CA5A: variants seen among roughly 807,000 people sequenced by gnomAD.
CA5A encodes carbonic anhydrase 5A, also known as carbonic anhydrase 5A, mitochondrial.
In CA5A, 28 loss-of-function variants were observed where a neutral mutation model predicts 37.1. The ratio of observed to expected loss-of-function variants is 0.75; its 90% CI spans 0.56 to 1.03. The LOEUF (loss-of-function observed/expected upper bound fraction) is 1.03, where lower values mean the gene tolerates loss of function less well. Ranked by LOEUF, CA5A falls within the 50% of genes least tolerant of loss-of-function variation. The probability of loss-of-function intolerance (pLI) is 0.00; values close to 1 mark genes in which losing one functional copy is unlikely to be tolerated. For synonymous variants in CA5A, 171 were observed against 158.4 expected (o/e 1.08, Z -0.60); for missense variants, 444 against 399.9 (o/e 1.11, Z -0.94).
intron 2 of CA5A, among the ~76,000 whole-genome samples, chr16:87,915,447 G>A (rs2056123077): frequency 2.0e-5 from 3 of 151,876 alleles, no homozygotes; most frequent in African/African-American, 7.3e-5. Context: ...AGGTGAGAGG[G>A]TGGTTTGAGC....
intron 2 of CA5A, among the ~76,000 whole-genome samples, chr16:87,926,229 A>G (rs1022975772): frequency 1.4e-4 from 22 of 152,008 alleles, no homozygotes; most frequent in African/African-American, 5.1e-4. Flanking sequence ...AATATAAAAT[A>G]AAATAAAATA....
intron 2 of CA5A, among the ~76,000 whole-genome samples, chr16:87,921,835 A>C (rs2056234486): frequency 6.6e-6 from 1 of 151,814 alleles, no homozygotes; most frequent in African/African-American, 2.4e-5. Context: ...GAGGAAGCAC[A>C]GGTTGTGTTC....
chr16:87,910,625 T>A (rs1421689086), intron 2 of CA5A, among the ~76,000 whole-genome samples: 1 of 152,174 alleles, frequency 6.6e-6, no homozygotes, highest in Non-Finnish European at 1.5e-5. Flanking sequence ...TTACCCAGGC[T>A]GGAGCGCGGT....
At chr16:87,889,785 A>C (rs927458868) in intron 6 of CA5A, among the ~76,000 whole-genome samples, 2 of 152,212 alleles carry the variant, frequency 1.3e-5, no homozygotes, top group African/African-American at 4.8e-5. Context: ...AAAAAATAAT[A>C]AAATAAAAAA....
chr16:87,888,290 C>T lies in CA5A; in HGVS notation c.775-18G>A. 1 of 1,606,034 alleles carries T rather than the reference C, an allele frequency of 6.2e-7. No individual in the cohort carries two copies. Among genetic ancestry groups the T allele is most frequent in the African/African-American group, 1.3e-5 (1 of 74,932 alleles). ...GCAGAGAGCTGGAATAGAGGGCAGC[C>T]AGGGTGAGCTTGGTATGAGTGCAGG... On this transcript the variant is annotated intron_variant, in intron 6 of 6. Transcript: ENST00000649794.
chr16:87,910,195 C>T (rs185247275), intron 2 of CA5A, among the ~76,000 whole-genome samples: 158 of 152,298 alleles, frequency 1.0e-3, no homozygotes, highest in Admixed American at 1.5e-3. Flanking sequence ...TGCCGTGTCC[C>T]GGGCACCACG....
chr16:87,925,893 C>A (rs2056300182), intron 2 of CA5A, among the ~76,000 whole-genome samples: 1 of 152,138 alleles, frequency 6.6e-6, no homozygotes, highest in Non-Finnish European at 1.5e-5. Flanking sequence ...GCCGCCTGCT[C>A]AGTCTGTCCT....
chr16:87,905,327 A>G (rs2055944350), intron 2 of CA5A, among the ~76,000 whole-genome samples: 1 of 152,212 alleles, frequency 6.6e-6, no homozygotes, highest in Admixed American at 6.5e-5. Flanking sequence ...AACATTATAA[A>G]ATAACACACA....
At chr16:87,934,658 G>A (rs1261177123) in intron 1 of CA5A, among the ~76,000 whole-genome samples, 1 of 150,928 alleles carries the variant, frequency 6.6e-6, no homozygotes, top group Non-Finnish European at 1.5e-5. Flanking sequence ...CTTGACGGTC[G>A]TACTAAGAAT....
At chr16:87,900,267 G>A (rs899692660) in intron 5 of CA5A, among the ~76,000 whole-genome samples, 9 of 152,208 alleles carry the variant, frequency 5.9e-5, no homozygotes, top group Admixed American at 3.3e-4. Context: ...CTGTGGAGCC[G>A]CGTGGAGGAA....
rs368970225 is a variant in CA5A at position 87,929,766 on chromosome 16, G to A, written c.143-2821C>T. Among the ~76,000 whole-genome samples the A allele has an allele frequency of 1.1e-4, 16 of 151,552 alleles. No individual in the cohort carries two copies. The South Asian group carries it at 2.9e-3, about 28-fold the overall frequency. ...GGGCGCCTGTAGTCCCAGCTACTCG[G>A]GAGGCTGAGGCAGCAGAATGGCGTG... is the stretch of plus-strand genomic sequence containing the variant. On this transcript the variant is annotated intron_variant, in intron 1 of 6. Transcript: ENST00000649794.
chr16:87,900,343 G>A (rs973779313), intron 5 of CA5A, among the ~76,000 whole-genome samples: 6 of 152,156 alleles, frequency 3.9e-5, no homozygotes, highest in East Asian at 1.9e-4. Flanking sequence ...CAGATGGGGC[G>A]GCAGGGGGTG....
intron 4 of CA5A, 103 bp downstream of exon 4, chr16:87,902,322 C>G (rs2055890165): frequency 4.1e-6 from 3 of 734,402 alleles, no homozygotes; most frequent in East Asian, 2.7e-5. Context: ...CCACTGCACT[C>G]CAGCCTGTGT....
chr16:87,909,506 C>T (rs1441046888), intron 2 of CA5A, among the ~76,000 whole-genome samples: 1 of 152,196 alleles, frequency 6.6e-6, no homozygotes. Flanking sequence ...GGTGCAGGGG[C>T]CGATGGATCA....
rs147623570 is a variant in CA5A, at chr16:87,902,425, C to T, written c.555G>A (p.Lys185=). 1.5e-4 allele frequency: 242 copies of T among 1,594,748 alleles called. No individual in the cohort carries two copies. The highest frequency in any genetic ancestry group is 2.0e-4 in the Non-Finnish European group (231 of 1,162,590). ...GATCTACACCCGAGCAAGTGATTAC[C>T]TTTAAAAACACGCCTATCACAGCCA... ...NGLAVIGVFL[K]LGAHHQTLQR... The change falls in exon 4 of 7, where the codon AAG becomes AAA. Residue 185 remains lysine (K), a splice_region_variant and synonymous_variant. Transcript: ENST00000649794.
At position 87,921,582 on chromosome 16, in the gene CA5A, T is replaced by C. The variant is rs7202748; in HGVS notation, c.340+5166A>G. Among the ~76,000 whole-genome samples, 900 of 151,452 alleles carry C rather than the reference T, an allele frequency of 5.9e-3. 8 individuals carry two copies. Among genetic ancestry groups the C allele is most frequent in the African/African-American group, 0.021 (855 of 40,726 alleles). On this transcript the variant is annotated intron_variant, in intron 2 of 6. Transcript: ENST00000649794. ...GCTGCAGCCAGTGACAGGGCTGTTC[T>C]GAGTGGCCACGCCCAGGTCCCCACC...
chr16:87,900,740 G>A (rs1410942783), intron 5 of CA5A, among the ~76,000 whole-genome samples: 2 of 152,208 alleles, frequency 1.3e-5, no homozygotes, highest in African/African-American at 2.4e-5. Context: ...GTTTCTCTCC[G>A]CCCTTGGGCT....
intron 6 of CA5A, among the ~76,000 whole-genome samples, chr16:87,890,253 C>T (rs1034395183): frequency 6.6e-6 from 1 of 152,198 alleles, no homozygotes; most frequent in African/African-American, 2.4e-5. Context: ...CCACACCTGC[C>T]CCCCTCCCAC....
At chr16:87,892,902 C>T (rs1262713993) in intron 5 of CA5A, 9 of 489,726 alleles carry the variant, frequency 1.8e-5, no homozygotes, top group African/African-American at 8.0e-5. Flanking sequence ...ATGATCCACC[C>T]GCCTTGGCCT....
Sources: allele counts gnomAD v4.1 joint callset (sites outside exome capture counted in the v4.1 genomes callset), GRCh38; gene constraint gnomAD v4.1.1; transcripts MANE v1.5; gene names NCBI Gene and HGNC (gene_info 2026-07-23, HGNC 2026-07-21).